Variants in KATNAL2 observed in about 807,000 individuals in gnomAD.
The protein encoded by KATNAL2 is katanin catalytic subunit A1 like 2, also known as katanin p60 ATPase-containing subunit A-like 2.
KATNAL2 carries 52 observed loss-of-function variants against 76.3 expected under a neutral mutation model. The observed-to-expected ratio is 0.68, with a 90% CI of 0.55 to 0.86. The LOEUF (loss-of-function observed/expected upper bound fraction) is 0.86. Ranked by LOEUF, KATNAL2 falls within the 40% of genes least tolerant of loss-of-function variation. The pLI is 0.00. For synonymous variants in KATNAL2, 243 were observed against 244.2 expected (o/e 1.00, Z 0.05); for missense variants, 660 against 668.9 (o/e 0.99, Z 0.15).
At chr18:47,077,487 G>C in intron 15 of KATNAL2, 26 bp downstream of exon 15, 1 of 1,546,302 alleles carries the variant, frequency 6.5e-7, no homozygotes. Flanking sequence ...AGTAAATTTT[G>C]AATACATTTT....
chr18:47,093,401 C>CTTTTTTTTTTTTTTTTTTTTTTCTT (rs557793941), intron 15 of KATNAL2, among the ~76,000 whole-genome samples: 1 of 127,754 alleles, frequency 7.8e-6, no homozygotes, highest in African/African-American at 2.9e-5. Context: ...TTTCTCTGTC[C>CTTTTTTTTTTTTTTTTTTTTTTCTT]TTTTTTTTTT....
rs144240351 is a variant in KATNAL2 at position 46,940,606 on chromosome 18, A to G, written c.-509-5451A>G. On this transcript the variant is annotated intron_variant, in intron 1 of 17. Coordinates refer to ENST00000683218, the MANE Select transcript of KATNAL2 (RefSeq NM_001387690.1). ...TTGTCATTCTTGAAAACTCCCTCTC[A>G]ATCTTGCATGCCTAGAGAAGCTCTG... Among the ~76,000 whole-genome samples the G allele has an allele frequency of 2.1e-3, 319 of 152,298 alleles. 1 individual carries two copies. The highest frequency in any genetic ancestry group is 7.4e-3 in the African/African-American group (309 of 41,570).
At chr18:46,941,579 G>A (rs1297866489) in intron 1 of KATNAL2, among the ~76,000 whole-genome samples, 3 of 152,044 alleles carry the variant, frequency 2.0e-5, no homozygotes, top group African/African-American at 4.8e-5. Context: ...CTCTATTTTC[G>A]TATCCACCTA....
chr18:46,922,551 C>T (rs776702611), intron 1 of KATNAL2, among the ~76,000 whole-genome samples: 1 of 151,522 alleles, frequency 6.6e-6, no homozygotes, highest in East Asian at 1.9e-4. Flanking sequence ...CCCAGCACTT[C>T]GGGAGGCTGA....
chr18:47,066,980 A>T (rs2061834531), intron 10 of KATNAL2, 41 bp from the exon 11 acceptor site: 1 of 1,208,056 alleles, frequency 8.3e-7, no homozygotes, highest in Non-Finnish European at 1.2e-6. Flanking sequence ...GCTGTAGAGG[A>T]AAACATCAGT....
chr18:47,033,456 A>C, intron 3 of KATNAL2: 1 of 1,614,044 alleles, frequency 6.2e-7, no homozygotes, highest in Non-Finnish European at 8.5e-7. Flanking sequence ...GCTCCCTCCA[A>C]GTTTTGTTTT....
At chr18:47,033,636 G>A in intron 3 of KATNAL2, 2 of 1,614,186 alleles carry the variant, frequency 1.2e-6, no homozygotes. Flanking sequence ...CGTCGCTGAG[G>A]GCGTCCGGAT....
chr18:47,058,460 G>A, intron 7 of KATNAL2, 108 bp downstream of exon 7: 1 of 662,520 alleles, frequency 1.5e-6, no homozygotes, highest in Non-Finnish European at 2.7e-6. Context: ...TTTTAAAATT[G>A]CTGTGTGATC....
intron 15 of KATNAL2, 69 bp from the exon 16 acceptor site, chr18:47,099,174 T>TA: frequency 6.7e-7 from 1 of 1,487,686 alleles, no homozygotes; most frequent in Middle Eastern, 1.8e-4. Flanking sequence ...AAATTGTTCT[T>TA]AAAGTACAGT....
chr18:46,924,751 G>T (rs142956863), intron 1 of KATNAL2, among the ~76,000 whole-genome samples: 1 of 151,852 alleles, frequency 6.6e-6, no homozygotes, highest in African/African-American at 2.4e-5. Context: ...CTTGTATTTC[G>T]TTGAGCAGTG....
intron 3 of KATNAL2, chr18:47,034,716 G>C: frequency 6.2e-7 from 1 of 1,612,986 alleles, no homozygotes; most frequent in Non-Finnish European, 8.5e-7. Context: ...CGGGCTCAGG[G>C]CCCTCGGGCA....
intron 1 of KATNAL2, among the ~76,000 whole-genome samples, chr18:46,930,939 A>C (rs906354553): frequency 1.3e-5 from 2 of 151,946 alleles, no homozygotes; most frequent in Non-Finnish European, 2.9e-5. Flanking sequence ...GGTCTCTCCT[A>C]AAAATACAAA....
chr18:46,936,760 T>C (rs1489953759), intron 1 of KATNAL2, among the ~76,000 whole-genome samples: 3 of 152,198 alleles, frequency 2.0e-5, no homozygotes, highest in Non-Finnish European at 4.4e-5. Context: ...GAGACCAGCC[T>C]GGCCAACATG....
At chr18:46,965,595 GCCCC>G (rs2060104484) in intron 3 of KATNAL2, among the ~76,000 whole-genome samples, 2 of 34,558 alleles carry the variant, frequency 5.8e-5, no homozygotes, top group African/African-American at 2.0e-4. Flanking sequence ...CCCCCCCCCC[GCCCC>G]CAACGGTGGC....
intron 3 of KATNAL2, among the ~76,000 whole-genome samples, chr18:46,949,463 T>C (rs2059485423): frequency 6.6e-6 from 1 of 152,174 alleles, no homozygotes; most frequent in African/African-American, 2.4e-5. Context: ...CCTGGGCTGG[T>C]CTCAAACTCC....
At chr18:46,932,655 CAG>C (rs1425369995) in intron 1 of KATNAL2, among the ~76,000 whole-genome samples, 3 of 95,188 alleles carry the variant, frequency 3.2e-5, no homozygotes, top group African/African-American at 1.3e-4. Context: ...GCTTGGGCAA[CAG>C]AGCAAGACTC....
At chr18:47,047,105 C>G (rs2576043) in intron 4 of KATNAL2, among the ~76,000 whole-genome samples, 69,956 of 151,854 alleles carry the variant, frequency 0.46, 16,090 homozygotes, top group Admixed American at 0.54. Flanking sequence ...ATTTTTTGTA[C>G]AGACAGGGTC....
rs754420423 is a variant in KATNAL2, at chr18:47,099,449, C to G, written c.1374+44C>G. On this transcript the variant is annotated intron_variant, in intron 16 of 17. Coordinates refer to ENST00000683218, the MANE Select transcript of KATNAL2 (RefSeq NM_001387690.1). Reference sequence around the variant, plus strand: ...GGGCACATGTAGGTCAAGGGCCCACCATATGGCCATCTTGTAGACCAGGTC... The same window carrying G: ...GGGCACATGTAGGTCAAGGGCCCACGATATGGCCATCTTGTAGACCAGGTC... The G allele has an allele frequency of 5.2e-6, 8 of 1,537,560 alleles. No homozygotes were observed. The South Asian group carries it at 9.9e-5, about 19-fold the overall frequency.
At chr18:47,067,944 C>T (rs558440393) in intron 11 of KATNAL2, among the ~76,000 whole-genome samples, 7 of 152,306 alleles carry the variant, frequency 4.6e-5, no homozygotes, top group Middle Eastern at 3.4e-3. Flanking sequence ...ACAAGCAGTA[C>T]GGCCAAGGTG....
Sources: allele counts gnomAD v4.1 joint callset (sites outside exome capture counted in the v4.1 genomes callset), GRCh38; gene constraint gnomAD v4.1.1; transcripts MANE v1.5; gene names NCBI Gene and HGNC (gene_info 2026-07-23, HGNC 2026-07-21).